The following CAMK2G variants were observed in gnomAD, a reference collection of about 807,000 sequenced individuals.
CAMK2G encodes calcium/calmodulin dependent protein kinase II gamma, also known as calcium/calmodulin-dependent protein kinase type II subunit gamma.
CAMK2G carries 23 observed loss-of-function variants against 88.7 expected under a neutral mutation model. The observed-to-expected ratio is 0.26, with a 90% CI of 0.19 to 0.37. CAMK2G has a LOEUF of 0.37. Among genes scored for constraint, CAMK2G ranks in the 10% least tolerant of loss-of-function variants. The pLI, the probability that CAMK2G is intolerant of heterozygous loss-of-function variation, is 1.00. For synonymous variants in CAMK2G, 263 were observed against 294.8 expected (o/e 0.89, Z 1.11); for missense variants, 476 against 780.8 (o/e 0.61, Z 4.65).
intron 21 of CAMK2G, 126 bp from the exon 22 acceptor site, chr10:73,815,373 C>CA (rs1438303799): frequency 4.1e-5 from 27 of 656,520 alleles, no homozygotes; most frequent in Non-Finnish European, 5.8e-5. Flanking sequence ...AGTACCGCCC[C>CA]CCCCCACCCC....
chr10:73,874,195 C>T (rs904668759), intron 1 of CAMK2G, among the ~76,000 whole-genome samples: 3 of 148,964 alleles, frequency 2.0e-5, no homozygotes, highest in Non-Finnish European at 4.5e-5. Context: ...AGCAGCGGCC[C>T]CGCCAGTTGC....
chr10:73,830,084 C>T (rs1257597889), intron 14 of CAMK2G, among the ~76,000 whole-genome samples: 1 of 152,176 alleles, frequency 6.6e-6, no homozygotes, highest in Admixed American at 6.5e-5. Context: ...AGTTCTCAGC[C>T]TTCTCCTGGC....
chr10:73,853,564 C>T (rs537588185), intron 3 of CAMK2G, among the ~76,000 whole-genome samples: 2 of 152,316 alleles, frequency 1.3e-5, no homozygotes, highest in Admixed American at 6.5e-5. Context: ...GGATATGATG[C>T]ACGATGGTGA....
intron 2 of CAMK2G, among the ~76,000 whole-genome samples, chr10:73,865,701 T>C (rs974578644): frequency 5.9e-5 from 9 of 152,178 alleles, no homozygotes; most frequent in African/African-American, 1.7e-4. Flanking sequence ...GGCCACTGAA[T>C]GGGCTTGGTC....
At chr10:73,818,954 A>G (rs549348734) in intron 19 of CAMK2G, 3 of 390,100 alleles carry the variant, frequency 7.7e-6, no homozygotes, top group Non-Finnish European at 1.6e-5. Context: ...AAGACTTCCT[A>G]CTGCCTTGTC....
intron 16 of CAMK2G, among the ~76,000 whole-genome samples, chr10:73,824,620 C>T (rs548158525): frequency 1.3e-5 from 2 of 152,348 alleles, no homozygotes; most frequent in South Asian, 2.1e-4. Context: ...CACGCCGCCA[C>T]GTCATGTGGT....
Position 73,821,704 on chromosome 10 carries a change from G to T in CAMK2G, c.1227C>A (p.Thr409=). The T allele has an allele frequency of 6.2e-7, 1 of 1,611,706 alleles. No individual in the cohort carries two copies. The highest frequency in any genetic ancestry group is 1.3e-5 in the African/African-American group (1 of 74,982). The part of the protein sequence containing the change: ...IKGSTESCNT[T]TEDEDLKAAP... Reference sequence around the variant, plus strand: ...TACCTTTGAGGTCCTCATCTTCTGTGGTGGTGTTGCAGCTCTCTGTGGAGC... The same window carrying T: ...TACCTTTGAGGTCCTCATCTTCTGTTGTGGTGTTGCAGCTCTCTGTGGAGC... The change falls in exon 18 of 23, where the codon ACC becomes ACA. Residue 409 remains threonine (T), a synonymous_variant. Transcript: ENST00000423381.
chr10:73,856,578 C>T (rs1017938570), intron 3 of CAMK2G, among the ~76,000 whole-genome samples: 4 of 152,174 alleles, frequency 2.6e-5, no homozygotes, highest in Non-Finnish European at 5.9e-5. Flanking sequence ...TAACTAAGCA[C>T]AACTGTGTCA....
intron 21 of CAMK2G, chr10:73,815,748 T>G: frequency 1.1e-6 from 1 of 928,334 alleles, no homozygotes; most frequent in Non-Finnish European, 1.3e-6. Context: ...TCAAAATTGA[T>G]TTGTAATTTT....
intron 16 of CAMK2G, 82 bp from the exon 17 acceptor site, chr10:73,824,166 G>A (rs978981057): frequency 6.3e-5 from 59 of 943,508 alleles, no homozygotes; most frequent in Middle Eastern, 2.2e-4. Context: ...TGCACCCCAG[G>A]ACCCCCGCAG....
At chr10:73,854,444 C>T (rs1424039265) in intron 3 of CAMK2G, among the ~76,000 whole-genome samples, 1 of 152,220 alleles carries the variant, frequency 6.6e-6, no homozygotes, top group African/African-American at 2.4e-5. Context: ...TCCGCTTTGG[C>T]TGACTGTCCT....
chr10:73,844,188 G>C (rs112048301), intron 10 of CAMK2G, among the ~76,000 whole-genome samples: 73 of 151,584 alleles, frequency 4.8e-4, no homozygotes, highest in African/African-American at 1.6e-3. Context: ...CACCTCTCTA[G>C]GCTCAGGTGA....
chr10:73,831,924 C>T (rs1259912753), intron 14 of CAMK2G, among the ~76,000 whole-genome samples: 4 of 148,990 alleles, frequency 2.7e-5, no homozygotes, highest in Non-Finnish European at 4.5e-5. Flanking sequence ...TACCTCTTTT[C>T]TTTTTTTTTT....
intron 2 of CAMK2G, among the ~76,000 whole-genome samples, chr10:73,872,304 G>T (rs1156902306): frequency 2.2e-5 from 1 of 46,070 alleles, no homozygotes; most frequent in African/African-American, 5.9e-5. Flanking sequence ...ATGCTCCTCA[G>T]ACTCGGAGGC....
At chr10:73,861,544 C>T (rs181240592) in intron 2 of CAMK2G, among the ~76,000 whole-genome samples, 9 of 152,250 alleles carry the variant, frequency 5.9e-5, no homozygotes, top group Admixed American at 3.9e-4. Flanking sequence ...TTAGTAGAGA[C>T]GGGGTTTCAC....
chr10:73,820,490 A>AT (rs1458257825), intron 18 of CAMK2G, among the ~76,000 whole-genome samples: 10,219 of 52,440 alleles, frequency 0.19, 936 homozygotes, highest in Non-Finnish European at 0.23. Context: ...ATATATATAT[A>AT]TATTTTTTTT....
At chr10:73,853,817 G>C (rs190770242) in intron 3 of CAMK2G, among the ~76,000 whole-genome samples, 283 of 152,336 alleles carry the variant, frequency 1.9e-3, no homozygotes, top group Non-Finnish European at 3.2e-3. Context: ...TACTATGCCA[G>C]GCCTTGTGCT....
At chr10:73,849,238 A>T in intron 6 of CAMK2G, 23 bp downstream of exon 6, 2 of 1,605,952 alleles carry the variant, frequency 1.2e-6, no homozygotes, top group East Asian at 2.2e-5. Context: ...GAGCAGAGGC[A>T]CGGAGGGGAG....
intron 2 of CAMK2G, among the ~76,000 whole-genome samples, chr10:73,868,362 A>G (rs556170719): frequency 4.6e-5 from 7 of 152,290 alleles, no homozygotes; most frequent in African/African-American, 1.7e-4. Flanking sequence ...CACTCTAGGA[A>G]GACAGGTGGG....
Sources: allele counts gnomAD v4.1 joint callset (sites outside exome capture counted in the v4.1 genomes callset), GRCh38; gene constraint gnomAD v4.1.1; transcripts MANE v1.5; gene names NCBI Gene and HGNC (gene_info 2026-07-23, HGNC 2026-07-21).